Variants in SHROOM3 observed in about 807,000 individuals in gnomAD.
The protein encoded by SHROOM3 is protein Shroom3.
Under a neutral mutation model 138.6 loss-of-function variants are expected in SHROOM3, and 47 were observed. The observed-to-expected ratio is 0.34, with a 90% CI of 0.27 to 0.43. The LOEUF (loss-of-function observed/expected upper bound fraction) is 0.43. SHROOM3 is among the 20% of genes least tolerant of loss of function. The pLI is 1.00. For synonymous variants in SHROOM3, 1,062 were observed against 1,063.3 expected, an observed-to-expected ratio of 1.00 and a Z score of 0.02; for missense variants, 2,491 against 2,596.5, an observed-to-expected ratio of 0.96 and a Z score of 0.88.
intron 2 of SHROOM3, among the ~76,000 whole-genome samples, chr4:76,632,188 A>G (rs1196085825): frequency 6.6e-6 from 1 of 152,228 alleles, no homozygotes; most frequent in Non-Finnish European, 1.5e-5. Flanking sequence ...TAATTGTACA[A>G]AAGAGTTTGG....
chr4:76,626,876 T>A (rs1735160741), intron 2 of SHROOM3, among the ~76,000 whole-genome samples: 2 of 152,324 alleles, frequency 1.3e-5, no homozygotes, highest in African/African-American at 4.8e-5. Flanking sequence ...TACAGGTCAT[T>A]TTAGAATACT....
intron 2 of SHROOM3, among the ~76,000 whole-genome samples, chr4:76,690,561 T>C (rs1015110123): frequency 8.5e-5 from 13 of 152,224 alleles, no homozygotes; most frequent in Admixed American, 8.5e-4. Context: ...CTGTTTTTAA[T>C]TAGTTGTTTT....
intron 1 of SHROOM3, among the ~76,000 whole-genome samples, chr4:76,511,816 T>A (rs769892786): frequency 3.3e-5 from 5 of 152,176 alleles, no homozygotes; most frequent in Admixed American, 6.5e-5. Context: ...AGCTGATCAC[T>A]CCTGGCCAGG....
Position 76,658,670 on chromosome 4 carries a change from ATG to A in SHROOM3, c.324-51474_324-51473del, listed in dbSNP as rs990442642. Among the ~76,000 whole-genome samples, 509 of 151,882 alleles carry A rather than the reference ATG, an allele frequency of 3.4e-3. 3 individuals carry two copies. The highest frequency in any genetic ancestry group is 0.011 in the African/African-American group (466 of 41,444). On this transcript the variant is annotated intron_variant, in intron 2 of 10. Transcript: ENST00000296043. ...CTTCCAAACCCCCTCCCATGTGTGT[ATG>A]TGTGTGTGTGTTTGTGTGTGTGTGC...
chr4:76,709,585 A>G (rs538545207), intron 2 of SHROOM3, among the ~76,000 whole-genome samples: 24 of 152,314 alleles, frequency 1.6e-4, no homozygotes, highest in Middle Eastern at 6.8e-3. Flanking sequence ...GTGGATTTAA[A>G]TGGACACACA....
chr4:76,515,695 C>T (rs1349024481), intron 1 of SHROOM3, among the ~76,000 whole-genome samples: 3 of 152,028 alleles, frequency 2.0e-5, no homozygotes, highest in South Asian at 4.2e-4. Context: ...AGTCAGTGAC[C>T]AGAGTTGGAT....
At chr4:76,754,225 C>A in intron 6 of SHROOM3, 86 bp from the exon 7 acceptor site, 1 of 1,552,998 alleles carries the variant, frequency 6.4e-7, no homozygotes. Flanking sequence ...CTCTTAAATG[C>A]TTTTCTCATC....
intron 2 of SHROOM3, chr4:76,628,821 G>A (rs939148743): frequency 1.3e-5 from 2 of 150,728 alleles, no homozygotes; most frequent in African/African-American, 4.9e-5. Flanking sequence ...GGAGTTCTAG[G>A]GTAGGAAAAA....
rs140850232 is a variant in SHROOM3, at chr4:76,720,250, G to A, written c.455+9963G>A. Among the ~76,000 whole-genome samples the A allele has an allele frequency of 2.5e-3, 368 of 149,396 alleles. 1 individual carries two copies. The highest frequency in any genetic ancestry group is 6.3e-3 in the Admixed American group (93 of 14,836). On this transcript the variant is annotated intron_variant, in intron 3 of 10. Coordinates refer to ENST00000296043, the MANE Select transcript of SHROOM3 (RefSeq NM_020859.4). Reference sequence around the variant, plus strand: ...TAGTTATAGAAACAAGGAGTTGGCCGGGTGCAGTGGTTCAGGCCTGTAATC... The same window carrying A: ...TAGTTATAGAAACAAGGAGTTGGCCAGGTGCAGTGGTTCAGGCCTGTAATC...
chr4:76,454,748 T>A (rs1730992607), intron 1 of SHROOM3, among the ~76,000 whole-genome samples: 1 of 152,186 alleles, frequency 6.6e-6, no homozygotes, highest in African/African-American at 2.4e-5. Context: ...CTGTAGATTG[T>A]TTTGGTTACT....
intron 2 of SHROOM3, among the ~76,000 whole-genome samples, chr4:76,608,295 G>GC (rs1195394135): frequency 1.8e-4 from 27 of 152,138 alleles, no homozygotes; most frequent in Non-Finnish European, 1.0e-4. Flanking sequence ...TTTGGCAAGT[G>GC]CCCCCCACCC....
intron 4 of SHROOM3, among the ~76,000 whole-genome samples, chr4:76,733,832 G>C (rs760500647): frequency 9.9e-5 from 15 of 152,262 alleles, no homozygotes; most frequent in Non-Finnish European, 2.1e-4. Flanking sequence ...AGGTGAGAGA[G>C]AGAGAGAAAG....
intron 9 of SHROOM3, among the ~76,000 whole-genome samples, chr4:76,770,319 T>C (rs7660126): frequency 0.095 from 10,349 of 108,992 alleles, 527 homozygotes; most frequent in African/African-American, 0.17. Context: ...AGCCAAACTC[T>C]GTCTCAAAAA....
chr4:76,779,789 T>C lies in SHROOM3; in HGVS notation c.*612T>C, dbSNP rs1036115222. 2.0e-5 allele frequency: 3 copies of C among 152,952 alleles called. No homozygotes were observed. Among genetic ancestry groups the C allele is most frequent in the Non-Finnish European group, 4.4e-5 (3 of 68,276 alleles). 9.5% of individuals were successfully genotyped at this position (152,952 alleles called of 1,614,324 possible). On this transcript the variant is annotated 3_prime_UTR_variant, in exon 11 of 11. Coordinates refer to ENST00000296043, the MANE Select transcript of SHROOM3 (RefSeq NM_020859.4). ...ACCTTAATGAAATGAATTCCAAAGA[T>C]AGTCACGTTGAGCGTGAAGACTTTT...
At chr4:76,527,050 A>ACTTT (rs1191193458) in intron 1 of SHROOM3, among the ~76,000 whole-genome samples, 6 of 152,012 alleles carry the variant, frequency 3.9e-5, no homozygotes, top group Non-Finnish European at 5.9e-5. Context: ...ATGCTTGCCT[A>ACTTT]CTTTCTTTCT....
intron 1 of SHROOM3, among the ~76,000 whole-genome samples, chr4:76,544,880 G>C (rs1733179855): frequency 6.6e-6 from 1 of 152,140 alleles, no homozygotes; most frequent in African/African-American, 2.4e-5. Context: ...TTCTTTTACA[G>C]CTGGTCTCTT....
intron 2 of SHROOM3, among the ~76,000 whole-genome samples, chr4:76,594,794 C>T (rs1439817827): frequency 6.6e-6 from 1 of 152,178 alleles, no homozygotes; most frequent in Non-Finnish European, 1.5e-5. Context: ...GACATTGAGA[C>T]TCACAGATTT....
intron 2 of SHROOM3, among the ~76,000 whole-genome samples, chr4:76,557,172 C>T (rs768619126): frequency 1.3e-5 from 2 of 149,830 alleles, no homozygotes; most frequent in South Asian, 2.1e-4. Context: ...ATCTAAGTAT[C>T]CATGGAGGGA....
chr4:76,487,049 A>G (rs1346257317), intron 1 of SHROOM3, among the ~76,000 whole-genome samples: 1 of 151,810 alleles, frequency 6.6e-6, no homozygotes, highest in Non-Finnish European at 1.5e-5. Flanking sequence ...TCACCACCCC[A>G]CCCCCAGAAA....
Sources: gnomAD v4.1 joint callset for allele counts (sites outside exome capture counted in the v4.1 genomes callset) on GRCh38, gnomAD v4.1.1 for gene constraint, MANE v1.5 for transcripts, NCBI Gene and HGNC (gene_info 2026-07-23, HGNC 2026-07-21) for gene names.